Variants in UGT8 observed in about 807,000 individuals in gnomAD.
The protein encoded by UGT8 is UDP glycosyltransferase 8, also known as 2-hydroxyacylsphingosine 1-beta-galactosyltransferase.
UGT8 carries 12 observed loss-of-function variants against 40.5 expected under a neutral mutation model. That is an observed-to-expected ratio of 0.30 (90% CI 0.19 to 0.48). The LOEUF is 0.48. UGT8 is among the 20% of genes least tolerant of loss of function. The pLI is 0.99. For missense variants in UGT8, 513 were observed against 648.7 expected (o/e 0.79, Z 2.27); for synonymous variants, 224 against 240.4 (o/e 0.93, Z 0.63).
At chr4:114,612,741 A>G (rs1007435659) in intron 1 of UGT8, among the ~76,000 whole-genome samples, 10 of 152,272 alleles carry the variant, frequency 6.6e-5, no homozygotes, top group Admixed American at 5.2e-4. Flanking sequence ...CAGTAGTCCC[A>G]TATTACTAGA....
At chr4:114,666,065 A>C (rs1449665301) in intron 4 of UGT8, among the ~76,000 whole-genome samples, 1 of 152,132 alleles carries the variant, frequency 6.6e-6, no homozygotes, top group Non-Finnish European at 1.5e-5. Flanking sequence ...ATTAGTAGTG[A>C]ATAAGATTAT....
intron 3 of UGT8, chr4:114,665,308 A>T (rs1734787599): frequency 2.3e-6 from 2 of 866,798 alleles, no homozygotes; most frequent in Admixed American, 1.2e-4. Flanking sequence ...TAGCAGTGGC[A>T]GCTCTCCCTG....
chr4:114,670,430 C>CAAAAA (rs70964319), intron 5 of UGT8, among the ~76,000 whole-genome samples: 8 of 57,326 alleles, frequency 1.4e-4, no homozygotes, highest in South Asian at 1.1e-3. Context: ...GACTCTGTCT[C>CAAAAA]AAAAAAAAAA....
In UGT8 at chr4:114,640,037, T is replaced by TG. The variant is rs1420050015; in HGVS notation, c.822+16335_822+16336insG. ...CATGTAAAAATATGTTTGTTTGTTT[T>TG]TTTTTTTTTTTGAGACGGAGTCTCG... On this transcript the variant is annotated intron_variant, in intron 2 of 5. Transcript: ENST00000310836. Among the ~76,000 whole-genome samples the TG allele has an allele frequency of 6.1e-4, 92 of 150,004 alleles. 1 individual carries two copies. The East Asian group carries it at 0.01, about 17-fold the overall frequency.
intron 2 of UGT8, among the ~76,000 whole-genome samples, chr4:114,627,954 G>T (rs1732340079): frequency 1.3e-5 from 2 of 152,016 alleles, no homozygotes; most frequent in South Asian, 4.1e-4. Context: ...AAAAATGGTT[G>T]GTACTCAATA....
At chr4:114,645,964 AGTCAGAT>A (rs954526308) in intron 2 of UGT8, among the ~76,000 whole-genome samples, 2 of 152,184 alleles carry the variant, frequency 1.3e-5, no homozygotes, top group African/African-American at 4.8e-5. Flanking sequence ...TTAAGCAGGA[AGTCAGAT>A]GTAAGCAATT....
At chr4:114,598,408 G>A (rs961691941), upstream of UGT8, 1 of 152,260 alleles carries the variant, frequency 6.6e-6, no homozygotes, top group African/African-American at 2.4e-5. Flanking sequence ...CGTTGTCAGA[G>A]TTCGCAACTC....
chr4:114,653,489 G>A (rs557701405), intron 2 of UGT8, among the ~76,000 whole-genome samples: 38 of 152,142 alleles, frequency 2.5e-4, no homozygotes, highest in Admixed American at 2.4e-3. Flanking sequence ...CTATATAGAT[G>A]TATAATCTAG....
chr4:114,598,692 CGG>C (rs1560657662), upstream of UGT8: 7 of 124,108 alleles, frequency 5.6e-5, no homozygotes, highest in Non-Finnish European at 1.3e-4. Context: ...GCACGCAGGG[CGG>C]GGCGCGGCTG....
rs562822512 is a variant in UGT8, at chr4:114,647,800, G to A, written c.823-16195G>A. ...GCAAAGATTACACAGCCAGTGAGGG[G>A]CAGAAGACAGAATTTGAACTCAGGC... is the stretch of plus-strand genomic sequence containing the variant. On this transcript the variant is annotated intron_variant, in intron 2 of 5. Coordinates refer to ENST00000310836, the MANE Select transcript of UGT8 (RefSeq NM_001128174.3). Among the ~76,000 whole-genome samples, 3 of 152,278 alleles carry A rather than the reference G, an allele frequency of 2.0e-5. No individual in the cohort carries two copies. The East Asian group carries it at 5.8e-4, about 29-fold the overall frequency.
chr4:114,676,203 C>T lies in UGT8; in HGVS notation c.1541C>T (p.Thr514Ile). 6.2e-7 allele frequency: 1 copy of T among 1,613,994 alleles called. No homozygotes were observed. The change falls in exon 6 of 6, where the codon ACA becomes ATA. Residue 514 changes from threonine (T) to isoleucine (I), a missense_variant. Physicochemically the swap from Thr to Ile is moderately conservative, Grantham distance 89. Around this residue, in one of 3 missense-constraint regions of UGT8, gnomAD observed 175 missense variants for 186.7 expected, o/e 0.94. Coordinates refer to ENST00000310836, the MANE Select transcript of UGT8 (RefSeq NM_001128174.3). ...CTGTGGTCTAGAAATAAGCATAGCA[C>T]AGTTAATGGACATTACCACAATGGA... ...KSLWSRNKHS[T>I]VNGHYHNGIL...
rs527998822 is a variant in UGT8, at chr4:114,656,869, C to T, written c.823-7126C>T. 6.1e-5 allele frequency: 30 copies of T among 489,990 alleles called. 1 individual carries two copies. The highest frequency in any genetic ancestry group is 4.5e-4 in the South Asian group (29 of 64,804). The allele number at this position is 489,990 out of a possible 1,614,324, so 30.4% of individuals were successfully genotyped here. On this transcript the variant is annotated intron_variant, in intron 2 of 5. Coordinates refer to ENST00000310836, the MANE Select transcript of UGT8 (RefSeq NM_001128174.3). The stretch of plus-strand genomic sequence containing the variant: ...TATCTACTTACTGTAGGTACGGCCT[C>T]ATTAAAAAATATAAACTCTCTGAAG...
intron 5 of UGT8, among the ~76,000 whole-genome samples, chr4:114,674,383 A>G (rs531134058): frequency 2.0e-5 from 3 of 152,118 alleles, no homozygotes; most frequent in Non-Finnish European, 4.4e-5. Context: ...CACTTTTACC[A>G]ACTCCTGCCA....
intron 2 of UGT8, among the ~76,000 whole-genome samples, chr4:114,647,356 TTGTGTGTGTGTG>T (rs34575248): frequency 7.0e-5 from 10 of 143,288 alleles, no homozygotes; most frequent in South Asian, 4.6e-4. Context: ...ATTAGCTCTT[TTGTGTGTGTGTG>T]TGTGTGTGTG....
rs147142020 is a variant in UGT8, at chr4:114,603,395, G to A, written c.-3+4421G>A. Among the ~76,000 whole-genome samples, 6 of 152,266 alleles carry A rather than the reference G, an allele frequency of 3.9e-5. No homozygotes were observed. The East Asian group carries it at 7.7e-4, about 20-fold the overall frequency. On this transcript the variant is annotated intron_variant, in intron 1 of 5. Transcript: ENST00000310836. Reference sequence around the variant, plus strand: ...TTCAGTGTATAGGTAATTATAAACCGTGAAAGTTGATAGGTTTTCCAGGGC... The same window carrying A: ...TTCAGTGTATAGGTAATTATAAACCATGAAAGTTGATAGGTTTTCCAGGGC...
intron 1 of UGT8, among the ~76,000 whole-genome samples, chr4:114,611,567 A>T (rs892613712): frequency 1.4e-5 from 2 of 147,538 alleles, no homozygotes; most frequent in African/African-American, 4.9e-5. Context: ...AGATGTTAGA[A>T]GACACAAAAC....
chr4:114,614,154 G>A (rs1159196331), intron 1 of UGT8, among the ~76,000 whole-genome samples: 6 of 152,176 alleles, frequency 3.9e-5, no homozygotes, highest in Non-Finnish European at 7.4e-5. Context: ...GTAGATGTCT[G>A]AAAAGAGATA....
intron 5 of UGT8, among the ~76,000 whole-genome samples, chr4:114,671,323 A>G (rs1735259259): frequency 6.6e-6 from 1 of 152,218 alleles, no homozygotes; most frequent in African/African-American, 2.4e-5. Context: ...TTTCATATGG[A>G]ATCAAAGAAG....
chr4:114,652,541 T>A (rs1332264833), intron 2 of UGT8, among the ~76,000 whole-genome samples: 1 of 151,858 alleles, frequency 6.6e-6, no homozygotes, highest in Admixed American at 6.6e-5. Context: ...TAAAAAGAAA[T>A]TGGTGAGAAA....
Sources: gnomAD v4.1 joint callset for allele counts (sites outside exome capture counted in the v4.1 genomes callset) on GRCh38, gnomAD v4.1.1 for gene constraint, gnomAD v4.1.1 regional missense constraint, MANE v1.5 for transcripts, NCBI Gene and HGNC (gene_info 2026-07-23, HGNC 2026-07-21) for gene names.